The following SPRED2 variants were observed in gnomAD, a reference collection of about 807,000 sequenced individuals.
SPRED2 encodes sprouty related EVH1 domain containing 2.
In SPRED2, 47 loss-of-function variants were observed where a neutral mutation model predicts 43.0. The observed-to-expected ratio is 1.09, with a 90% CI of 0.87 to 1.40. The LOEUF is 1.40. Among genes scored for constraint, SPRED2 ranks in the 40% most tolerant of loss-of-function variants. The probability of loss-of-function intolerance (pLI) is 0.00; values close to 1 mark genes in which losing one functional copy is unlikely to be tolerated. For synonymous variants in SPRED2, 225 were observed against 225.7 expected (o/e 1.00, Z 0.03); for missense variants, 561 against 586.4 (o/e 0.96, Z 0.45).
At chr2:65,330,582 C>T (rs72894569) in intron 4 of SPRED2, among the ~76,000 whole-genome samples, 7,625 of 152,224 alleles carry the variant, frequency 0.05, 285 homozygotes, top group Middle Eastern at 0.15. Context: ...ATCCCCACCA[C>T]GGTGGTACAT....
Position 65,311,012 on chromosome 2 carries a change from T to C in SPRED2, c.*2489A>G. On this transcript the variant is annotated 3_prime_UTR_variant, in exon 6 of 6. Transcript: ENST00000356388. ...GGTAAAAAGGCTTATTATAAAAAAATCAATACAACAGGGTTTTTAGTATAC... is the reference window on the plus strand; with the variant it reads ...GGTAAAAAGGCTTATTATAAAAAAACCAATACAACAGGGTTTTTAGTATAC... 1 of 984,654 alleles carries C rather than the reference T, an allele frequency of 1.0e-6. No individual in the cohort carries two copies. Among genetic ancestry groups the C allele is most frequent in the Non-Finnish European group, 1.2e-6 (1 of 828,864 alleles). The allele number at this position is 984,654 out of a possible 1,614,324, so 61.0% of individuals were successfully genotyped here. A position where few individuals can be genotyped will look rare whatever the true frequency, so the allele number is the denominator to read the frequency against.
chr2:65,431,446 C>T (rs1676690314), intron 1 of SPRED2, among the ~76,000 whole-genome samples: 1 of 152,058 alleles, frequency 6.6e-6, no homozygotes, highest in Non-Finnish European at 1.5e-5. Flanking sequence ...CCTCTCGCTC[C>T]GCCGTGTTTT....
chr2:65,363,266 C>A (rs1572871284), intron 1 of SPRED2, among the ~76,000 whole-genome samples: 2 of 149,768 alleles, frequency 1.3e-5, no homozygotes, highest in Non-Finnish European at 3.0e-5. Context: ...AAAAAAATTC[C>A]AACTGGGAAT....
At chr2:65,346,328 ATT>A (rs142250100) in intron 1 of SPRED2, among the ~76,000 whole-genome samples, 1 of 144,162 alleles carries the variant, frequency 6.9e-6, no homozygotes. Context: ...CATTCCTTTC[ATT>A]TTTTTTTTCA....
At chr2:65,366,385 A>C in intron 1 of SPRED2, among the ~76,000 whole-genome samples, 1 of 152,330 alleles carries the variant, frequency 6.6e-6, no homozygotes, top group Middle Eastern at 3.4e-3. Context: ...ATGAGAGGCT[A>C]AGAGCTCTGT....
chr2:65,401,850 T>C (rs1675896312), intron 1 of SPRED2, among the ~76,000 whole-genome samples: 1 of 150,896 alleles, frequency 6.6e-6, no homozygotes, highest in African/African-American at 2.4e-5. Flanking sequence ...CTACTAACAG[T>C]TGGTCAATAT....
chr2:65,365,163 C>A (rs1188827529), intron 1 of SPRED2, among the ~76,000 whole-genome samples: 1 of 152,162 alleles, frequency 6.6e-6, no homozygotes, highest in Non-Finnish European at 1.5e-5. Context: ...CTTAGCAAAA[C>A]CCCCACATAT....
chr2:65,419,302 C>A (rs1324746778), intron 1 of SPRED2, among the ~76,000 whole-genome samples: 1 of 152,112 alleles, frequency 6.6e-6, no homozygotes, highest in Admixed American at 6.5e-5. Flanking sequence ...ATCAGACGAC[C>A]CAAACTTTAT....
chr2:65,316,693 C>T (rs1239621977), intron 5 of SPRED2, 41 bp downstream of exon 5: 3 of 1,576,970 alleles, frequency 1.9e-6, no homozygotes, highest in East Asian at 2.3e-5. Flanking sequence ...GAATCAGAGG[C>T]ACCACCCTGA....
intron 1 of SPRED2, among the ~76,000 whole-genome samples, chr2:65,370,300 C>T (rs11684956): frequency 0.052 from 7,838 of 149,586 alleles, 297 homozygotes; most frequent in Middle Eastern, 0.15. Context: ...TGGCCACATA[C>T]AGAACACTCA....
Position 65,315,729 on chromosome 2 carries a change from G to A in SPRED2, c.588+1005C>T, listed in dbSNP as rs530808326. Among the ~76,000 whole-genome samples, 13 of 152,326 alleles carry A rather than the reference G, an allele frequency of 8.5e-5. No homozygotes were observed. In the South Asian group the frequency reaches 2.3e-3, roughly 27 times the overall value. On this transcript the variant is annotated intron_variant, in intron 5 of 5. Transcript: ENST00000356388. ...GCGATGACGCAATGGCGCAATCTTG[G>A]CTCACTGCAAGCTCCACCTCCTGGG...
intron 1 of SPRED2, among the ~76,000 whole-genome samples, chr2:65,363,183 G>A (rs1674875214): frequency 6.9e-6 from 1 of 144,652 alleles, no homozygotes; most frequent in Admixed American, 7.1e-5. Context: ...AGGTTGCAGT[G>A]AGCCGAGATT....
At chr2:65,430,677 GC>G (rs1412477185) in intron 1 of SPRED2, among the ~76,000 whole-genome samples, 15 of 152,058 alleles carry the variant, frequency 9.9e-5, no homozygotes, top group Admixed American at 2.0e-4. Context: ...GCAAAGACGC[GC>G]GCGGGGCCTC....
chr2:65,366,679 A>G, intron 1 of SPRED2: 1 of 1,543,314 alleles, frequency 6.5e-7, no homozygotes, highest in Non-Finnish European at 8.7e-7. Context: ...ATAAAAATGG[A>G]TCGTCTCTTG....
At chr2:65,379,202 C>T (rs1314390049) in intron 1 of SPRED2, among the ~76,000 whole-genome samples, 1 of 152,192 alleles carries the variant, frequency 6.6e-6, no homozygotes, top group African/African-American at 2.4e-5. Context: ...GCAGTGGATA[C>T]ACCAAGTGTT....
intron 1 of SPRED2, among the ~76,000 whole-genome samples, chr2:65,413,460 T>G (rs567555277): frequency 1.8e-4 from 28 of 152,172 alleles, no homozygotes; most frequent in Non-Finnish European, 3.4e-4. Flanking sequence ...ACCAGGATAA[T>G]GTTTGGCCAA....
chr2:65,366,101 A>C (rs1674964057), intron 1 of SPRED2, among the ~76,000 whole-genome samples: 1 of 152,192 alleles, frequency 6.6e-6, no homozygotes, highest in South Asian at 2.1e-4. Flanking sequence ...TTCTTGCATT[A>C]AGTCACGCAT....
chr2:65,348,372 A>G (rs1166936041), intron 1 of SPRED2, among the ~76,000 whole-genome samples: 5 of 152,342 alleles, frequency 3.3e-5, no homozygotes, highest in Non-Finnish European at 5.9e-5. Context: ...GCCTACCAGA[A>G]TATGAATTCC....
chr2:65,400,841 G>A (rs777138657), intron 1 of SPRED2, among the ~76,000 whole-genome samples: 2 of 152,206 alleles, frequency 1.3e-5, no homozygotes, highest in Non-Finnish European at 2.9e-5. Flanking sequence ...CTGGAAGGCA[G>A]TTCAGTTCTA....
Sources: allele counts gnomAD v4.1 joint callset (sites outside exome capture counted in the v4.1 genomes callset), GRCh38; gene constraint gnomAD v4.1.1; transcripts MANE v1.5; gene names NCBI Gene and HGNC (gene_info 2026-07-23, HGNC 2026-07-21).